Variants in ALCAM observed in about 807,000 individuals in gnomAD.
ALCAM encodes activated leukocyte cell adhesion molecule, also known as CD166 antigen.
Under a neutral mutation model 70.9 loss-of-function variants are expected in ALCAM, and 30 were observed. The observed-to-expected ratio is 0.42, with a 90% CI of 0.32 to 0.57. The LOEUF (loss-of-function observed/expected upper bound fraction) is 0.57, where lower values mean the gene tolerates loss of function less well. Among genes scored for constraint, ALCAM ranks in the 20% least tolerant of loss-of-function variants. The pLI, the probability that ALCAM is intolerant of heterozygous loss-of-function variation, is 0.11. For missense variants in ALCAM, 591 were observed against 695.1 expected, an observed-to-expected ratio of 0.85 and a Z score of 1.68; for synonymous variants, 249 against 242.5, an observed-to-expected ratio of 1.03 and a Z score of -0.25.
intron 14 of ALCAM, among the ~76,000 whole-genome samples, chr3:105,557,077 G>A (rs1043444143): frequency 5.3e-5 from 8 of 151,872 alleles, no homozygotes; most frequent in African/African-American, 1.9e-4. Context: ...GCCTTACCAG[G>A]CCTTTTTTGG....
intron 1 of ALCAM, among the ~76,000 whole-genome samples, chr3:105,516,795 A>G (rs184820416): frequency 6.6e-6 from 1 of 152,232 alleles, no homozygotes; most frequent in Non-Finnish European, 1.5e-5. Flanking sequence ...ACACTTATAC[A>G]TTCCCACATT....
intron 1 of ALCAM, among the ~76,000 whole-genome samples, chr3:105,428,895 T>G (rs1006134126): frequency 1.4e-4 from 22 of 152,000 alleles, no homozygotes; most frequent in Admixed American, 1.4e-3. Flanking sequence ...TCTTTATGCC[T>G]TAGTATCTTA....
intron 1 of ALCAM, among the ~76,000 whole-genome samples, chr3:105,391,458 CTT>C (rs1935815645): frequency 6.6e-6 from 1 of 151,996 alleles, no homozygotes; most frequent in Non-Finnish European, 1.5e-5. Context: ...TATCCTGAGA[CTT>C]TGCTGAGGTT....
chr3:105,446,505 A>G (rs1937301146), intron 1 of ALCAM, among the ~76,000 whole-genome samples: 2 of 152,124 alleles, frequency 1.3e-5, no homozygotes, highest in African/African-American at 4.8e-5. Flanking sequence ...TATGTTGAAG[A>G]GATAGCTGCA....
intron 1 of ALCAM, among the ~76,000 whole-genome samples, chr3:105,422,204 G>GTA (rs1936685647): frequency 1.3e-5 from 2 of 151,342 alleles, no homozygotes; most frequent in South Asian, 2.1e-4. Flanking sequence ...ATATTCCATA[G>GTA]TATATATATA....
At chr3:105,548,635 C>G (rs1940312621) in intron 11 of ALCAM, among the ~76,000 whole-genome samples, 1 of 151,252 alleles carries the variant, frequency 6.6e-6, no homozygotes, top group Non-Finnish European at 1.5e-5. Flanking sequence ...ATATGGAAAG[C>G]CCTCAAAAGA....
chr3:105,458,184 T>C (rs1323442912), intron 1 of ALCAM, among the ~76,000 whole-genome samples: 2 of 152,152 alleles, frequency 1.3e-5, no homozygotes, highest in African/African-American at 4.8e-5. Context: ...GCAGGTTAGA[T>C]ATATTGCAAA....
At chr3:105,403,201 C>CCTCCCACAGTG in intron 1 of ALCAM, among the ~76,000 whole-genome samples, 1 of 152,246 alleles carries the variant, frequency 6.6e-6, no homozygotes, top group Non-Finnish European at 1.5e-5. Context: ...CCCACCTCAG[C>CCTCCCACAGTG]CTCCCACAGT....
chr3:105,511,068 T>C (rs1177645417), intron 1 of ALCAM, among the ~76,000 whole-genome samples: 5 of 152,060 alleles, frequency 3.3e-5, no homozygotes, highest in Non-Finnish European at 5.9e-5. Context: ...TATCTTGTTC[T>C]TTTTCCCATC....
intron 2 of ALCAM, among the ~76,000 whole-genome samples, chr3:105,523,292 TAAG>T (rs1230034508): frequency 1.3e-5 from 2 of 152,046 alleles, no homozygotes; most frequent in Middle Eastern, 3.2e-3. Flanking sequence ...AGGAATGACT[TAAG>T]AAGAGGATTT....
chr3:105,419,921 G>T (rs1025639877), intron 1 of ALCAM, among the ~76,000 whole-genome samples: 9 of 151,730 alleles, frequency 5.9e-5, no homozygotes, highest in African/African-American at 2.2e-4. Flanking sequence ...AATATTTGTT[G>T]AGTGCCTACT....
Position 105,514,621 on chromosome 3 carries a change from T to G in ALCAM, c.74-5446T>G, listed in dbSNP as rs1939331042. On this transcript the variant is annotated intron_variant, in intron 1 of 15. Transcript: ENST00000306107. Reference sequence around the variant, plus strand: ...TTTAGAGCATTAAATTATATCAAACTTGGAAGTAAAATAAAGAGTACCTAT... The same window carrying G: ...TTTAGAGCATTAAATTATATCAAACGTGGAAGTAAAATAAAGAGTACCTAT... 3.3e-5 allele frequency among the ~76,000 whole-genome samples: 5 copies of G among 152,086 alleles called. No homozygotes were observed. In the South Asian group the frequency reaches 1.0e-3, roughly 32 times the overall value.
chr3:105,427,179 G>A (rs966567503), intron 1 of ALCAM, among the ~76,000 whole-genome samples: 1 of 151,906 alleles, frequency 6.6e-6, no homozygotes, highest in African/African-American at 2.4e-5. Flanking sequence ...AGGAAGAAGA[G>A]AGTATATATA....
At chr3:105,430,692 C>T (rs1936908329) in intron 1 of ALCAM, among the ~76,000 whole-genome samples, 1 of 152,068 alleles carries the variant, frequency 6.6e-6, no homozygotes, top group East Asian at 1.9e-4. Flanking sequence ...AAGGAAGTCA[C>T]TATGCAAAGC....
chr3:105,468,514 G>A (rs1018277602), intron 1 of ALCAM, among the ~76,000 whole-genome samples: 2 of 151,208 alleles, frequency 1.3e-5, no homozygotes, highest in Admixed American at 6.6e-5. Context: ...GCATCATTTT[G>A]TTAGCCTGTC....
At position 105,534,523 on chromosome 3, in the gene ALCAM, C is replaced by T. The variant is rs1939920994; in HGVS notation, c.548-140C>T. The T allele has an allele frequency of 2.1e-5, 16 of 746,176 alleles. No homozygotes were observed. The South Asian group carries it at 2.4e-4, about 11-fold the overall frequency. The allele number at this position is 746,176 out of a possible 1,614,324, so 46.2% of individuals were successfully genotyped here. A position where few individuals can be genotyped will look rare whatever the true frequency, so the allele number is the denominator to read the frequency against. ...TCACGGTTTTGAAACGACATCTAAC[C>T]TCACTACATGTCAATTTTCTCTCCT... On this transcript the variant is annotated intron_variant, in intron 5 of 15. Transcript: ENST00000306107.
At position 105,539,421 on chromosome 3, in the gene ALCAM, T is replaced by A. The variant is rs537008116; in HGVS notation, c.731-554T>A. ...TACAATACACTTACAGTCCTGTTGA[T>A]TGTGTCAAGGTTCTCCCTCAGTTCA... On this transcript the variant is annotated intron_variant, in intron 6 of 15. Coordinates refer to ENST00000306107, the MANE Select transcript of ALCAM (RefSeq NM_001627.4). Among the ~76,000 whole-genome samples, 4 of 152,180 alleles carry A rather than the reference T, an allele frequency of 2.6e-5. No individual in the cohort carries two copies. In the South Asian group the frequency reaches 8.3e-4, roughly 32 times the overall value.
chr3:105,438,883 TGAAG>T (rs547616602), intron 1 of ALCAM, among the ~76,000 whole-genome samples: 4 of 148,618 alleles, frequency 2.7e-5, no homozygotes, highest in African/African-American at 5.0e-5. Flanking sequence ...AATAAATAAA[TGAAG>T]GAAGGAAGGA....
At chr3:105,566,766 CTG>C (rs1272796647) in intron 14 of ALCAM, among the ~76,000 whole-genome samples, 1 of 152,068 alleles carries the variant, frequency 6.6e-6, no homozygotes, top group African/African-American at 2.4e-5. Context: ...TAAAGATCAA[CTG>C]TGTTTTACAT....
Sources: allele counts gnomAD v4.1 joint callset (sites outside exome capture counted in the v4.1 genomes callset), GRCh38; gene constraint gnomAD v4.1.1; transcripts MANE v1.5; gene names NCBI Gene and HGNC (gene_info 2026-07-23, HGNC 2026-07-21).